Variants in SYT9 observed in about 807,000 individuals in gnomAD.
SYT9 encodes the protein synaptotagmin-9.
Under a neutral mutation model 48.4 loss-of-function variants are expected in SYT9, and 22 were observed. The observed-to-expected ratio is 0.45, with a 90% CI of 0.32 to 0.65. The LOEUF (loss-of-function observed/expected upper bound fraction) is 0.65, where lower values mean the gene tolerates loss of function less well. Among genes scored for constraint, SYT9 ranks in the 30% least tolerant of loss-of-function variants. SYT9 has a pLI of 0.03. For synonymous variants in SYT9, 265 were observed against 245.0 expected (o/e 1.08, Z -0.76); for missense variants, 577 against 622.0 (o/e 0.93, Z 0.77).
intron 3 of SYT9, among the ~76,000 whole-genome samples, chr11:7,321,369 A>G (rs984855402): frequency 6.6e-6 from 1 of 152,212 alleles, no homozygotes; most frequent in Non-Finnish European, 1.5e-5. Flanking sequence ...GGAACCACCC[A>G]GGCAGGGGGA....
In SYT9 at chr11:7,280,294, G is replaced by A. The variant is rs1056286496; in HGVS notation, c.146-22745G>A. On this transcript the variant is annotated intron_variant, in intron 1 of 6. Coordinates refer to ENST00000318881, the MANE Select transcript of SYT9 (RefSeq NM_175733.4). ...CAACCTTAGGTTGCAGCTGACAAATGAGTGTAGGCCCAACAAGCCTGTTGG... is the reference window on the plus strand; with the variant it reads ...CAACCTTAGGTTGCAGCTGACAAATAAGTGTAGGCCCAACAAGCCTGTTGG... 2.0e-5 allele frequency among the ~76,000 whole-genome samples: 3 copies of A among 152,360 alleles called. No homozygotes were observed. The South Asian group carries it at 6.2e-4, about 32-fold the overall frequency.
At chr11:7,411,821 G>A (rs911326871) in intron 3 of SYT9, among the ~76,000 whole-genome samples, 2 of 152,010 alleles carry the variant, frequency 1.3e-5, no homozygotes, top group East Asian at 3.9e-4. Context: ...TTCTCTCTTT[G>A]CCCTTGGGGA....
At chr11:7,247,106 T>C (rs1847801589), upstream of SYT9, among the ~76,000 whole-genome samples, 1 of 152,320 alleles carries the variant, frequency 6.6e-6, no homozygotes, top group East Asian at 1.9e-4. Context: ...TTAAAAATTA[T>C]TTTTTATTTC....
At chr11:7,411,044 G>C (rs890071933) in intron 3 of SYT9, among the ~76,000 whole-genome samples, 3 of 152,050 alleles carry the variant, frequency 2.0e-5, no homozygotes, top group Non-Finnish European at 2.9e-5. Flanking sequence ...TAGGAAAGAC[G>C]GGGTTTCACC....
chr11:7,433,325 C>A (rs933856076), intron 6 of SYT9, among the ~76,000 whole-genome samples: 1 of 152,146 alleles, frequency 6.6e-6, no homozygotes, highest in South Asian at 2.1e-4. Flanking sequence ...TATACCAATG[C>A]AAGAATGGAC....
intron 6 of SYT9, among the ~76,000 whole-genome samples, chr11:7,434,677 C>A (rs1847669407): frequency 1.3e-5 from 2 of 152,074 alleles, no homozygotes; most frequent in Admixed American, 1.3e-4. Flanking sequence ...TACCTTGGGC[C>A]TGCAGGGTGA....
chr11:7,418,922 T>C (rs553161103), intron 5 of SYT9, among the ~76,000 whole-genome samples: 1 of 152,306 alleles, frequency 6.6e-6, no homozygotes, highest in East Asian at 1.9e-4. Context: ...TTAAAAAAAA[T>C]ATTCTGACTT....
Position 7,440,372 on chromosome 11 carries a change from C to T in SYT9, c.1467+19737C>T, listed in dbSNP as rs1046784640. Reference sequence around the variant, plus strand: ...GAGAAGCACAAATGAGGAGGACCCCCGCTCACTTAAGTGTAAAAAAAATGC... The same window carrying T: ...GAGAAGCACAAATGAGGAGGACCCCTGCTCACTTAAGTGTAAAAAAAATGC... On this transcript the variant is annotated intron_variant, in intron 6 of 6. Transcript: ENST00000318881. 3.9e-5 allele frequency: 6 copies of T among 152,184 alleles called. No homozygotes were observed. In the South Asian group the frequency reaches 8.3e-4, roughly 21 times the overall value. 9.4% of individuals were successfully genotyped at this position (152,184 alleles called of 1,614,324 possible).
chr11:7,353,454 A>G (rs1270588619), intron 3 of SYT9, among the ~76,000 whole-genome samples: 1 of 152,152 alleles, frequency 6.6e-6, no homozygotes, highest in African/African-American at 2.4e-5. Flanking sequence ...CTTCCCATGA[A>G]CAGCTTTTCC....
At chr11:7,432,271 G>A (rs1847589717) in intron 6 of SYT9, among the ~76,000 whole-genome samples, 1 of 152,086 alleles carries the variant, frequency 6.6e-6, no homozygotes. Flanking sequence ...CAACAATCGG[G>A]CATGGTGGCT....
rs535015572 is a variant in SYT9 at position 7,278,704 on chromosome 11, G to C, written c.146-24335G>C. ...ATAAAACTAGGTATAGTTTTAAGTA[G>C]CAAGATTCCGAGTAGCTTAAGAGGA... On this transcript the variant is annotated intron_variant, in intron 1 of 6. Coordinates refer to ENST00000318881, the MANE Select transcript of SYT9 (RefSeq NM_175733.4). Among the ~76,000 whole-genome samples the C allele has an allele frequency of 1.8e-3, 280 of 152,296 alleles. 2 individuals are homozygous for C. The highest frequency in any genetic ancestry group is 6.2e-3 in the African/African-American group (256 of 41,556).
intron 3 of SYT9, among the ~76,000 whole-genome samples, chr11:7,320,827 A>G (rs1277924938): frequency 1.3e-5 from 2 of 152,240 alleles, no homozygotes; most frequent in Admixed American, 6.5e-5. Context: ...AAGCCAGATC[A>G]ATAATAGTAC....
intron 6 of SYT9, among the ~76,000 whole-genome samples, chr11:7,425,980 A>G (rs1847449519): frequency 6.6e-6 from 1 of 152,236 alleles, no homozygotes; most frequent in Admixed American, 6.5e-5. Context: ...GCAAGAAAAC[A>G]TAAATTTATT....
At chr11:7,401,549 C>T (rs1476693064) in intron 3 of SYT9, among the ~76,000 whole-genome samples, 1 of 151,522 alleles carries the variant, frequency 6.6e-6, no homozygotes, top group East Asian at 1.9e-4. Flanking sequence ...TTAGCAATGA[C>T]TTTAATTTCT....
chr11:7,452,435 A>G (rs948864569), intron 6 of SYT9, among the ~76,000 whole-genome samples: 9 of 152,124 alleles, frequency 5.9e-5, no homozygotes, highest in African/African-American at 1.7e-4. Context: ...TTCAAAGGCA[A>G]TCTTCTCTCA....
chr11:7,281,806 G>A (rs1265652611), intron 1 of SYT9, among the ~76,000 whole-genome samples: 3 of 152,184 alleles, frequency 2.0e-5, no homozygotes, highest in Non-Finnish European at 4.4e-5. Flanking sequence ...TACTTCTAGT[G>A]CACAATTATT....
chr11:7,405,597 A>G (rs1846992795), intron 3 of SYT9, among the ~76,000 whole-genome samples: 1 of 152,246 alleles, frequency 6.6e-6, no homozygotes, highest in Non-Finnish European at 1.5e-5. Context: ...TGGAAAAAAC[A>G]ATGCTCAAAT....
At chr11:7,454,515 G>A (rs1420013067) in intron 6 of SYT9, among the ~76,000 whole-genome samples, 5 of 152,182 alleles carry the variant, frequency 3.3e-5, no homozygotes, top group African/African-American at 7.2e-5. Flanking sequence ...TTTCCTAAGG[G>A]CTGGGGATAA....
intron 1 of SYT9, among the ~76,000 whole-genome samples, chr11:7,291,995 G>A (rs1446574917): frequency 6.6e-6 from 1 of 152,182 alleles, no homozygotes; most frequent in Non-Finnish European, 1.5e-5. Flanking sequence ...GCAAGACTGA[G>A]TGTGGCTTTC....
Sources: gnomAD v4.1 joint callset for allele counts (sites outside exome capture counted in the v4.1 genomes callset) on GRCh38, gnomAD v4.1.1 for gene constraint, MANE v1.5 for transcripts, NCBI Gene and HGNC (gene_info 2026-07-23, HGNC 2026-07-21) for gene names.